The following STRN variants were observed in gnomAD, a reference collection of about 807,000 sequenced individuals.
STRN encodes the protein striatin.
Under a neutral mutation model 96.3 loss-of-function variants are expected in STRN, and 53 were observed. That is an observed-to-expected ratio of 0.55 (90% confidence interval 0.44 to 0.69). The LOEUF (loss-of-function observed/expected upper bound fraction) is 0.69. Ranked by LOEUF, STRN falls within the 30% of genes least tolerant of loss-of-function variation. The probability of loss-of-function intolerance (pLI) is 0.00; values close to 1 mark genes in which losing one functional copy is unlikely to be tolerated. For missense variants in STRN, 987 were observed against 963.9 expected, an observed-to-expected ratio of 1.02 and a Z score of -0.32; for synonymous variants, 428 against 355.9, an observed-to-expected ratio of 1.20 and a Z score of -2.28.
At chr2:36,937,488 C>A (rs1259523246) in intron 1 of STRN, among the ~76,000 whole-genome samples, 4 of 151,774 alleles carry the variant, frequency 2.6e-5, no homozygotes, top group African/African-American at 9.7e-5. Flanking sequence ...GGGCAACGCA[C>A]TGAGAATCCA....
chr2:36,855,661 C>T (rs902664239), intron 14 of STRN, among the ~76,000 whole-genome samples: 4 of 152,064 alleles, frequency 2.6e-5, no homozygotes, highest in Admixed American at 2.6e-4. Context: ...TTGCTGCTTC[C>T]GCCCAACCTC....
intron 1 of STRN, among the ~76,000 whole-genome samples, chr2:36,942,943 G>A (rs1051686423): frequency 2.6e-5 from 4 of 152,032 alleles, no homozygotes; most frequent in Non-Finnish European, 4.4e-5. Context: ...GGATTTGCCC[G>A]CCTCGGCCTC....
chr2:36,959,583 A>C (rs1246994263), intron 1 of STRN, among the ~76,000 whole-genome samples: 1 of 152,194 alleles, frequency 6.6e-6, no homozygotes, highest in East Asian at 1.9e-4. Context: ...CTCAAAGATT[A>C]CTCTGTCATT....
At chr2:36,957,346 G>C (rs1177127906) in intron 1 of STRN, among the ~76,000 whole-genome samples, 2 of 152,184 alleles carry the variant, frequency 1.3e-5, no homozygotes, top group Non-Finnish European at 2.9e-5. Flanking sequence ...CCAGCACTTT[G>C]GGAGGCGGAG....
At chr2:36,867,755 C>T (rs976184291) in intron 12 of STRN, 59 bp downstream of exon 12, 2 of 1,165,010 alleles carry the variant, frequency 1.7e-6, no homozygotes, top group Non-Finnish European at 1.2e-6. Context: ...AATAAAATAT[C>T]CTAACCAGGC....
chr2:36,938,856 T>A (rs1192544577), intron 1 of STRN, among the ~76,000 whole-genome samples: 1 of 152,266 alleles, frequency 6.6e-6, no homozygotes, highest in Non-Finnish European at 1.5e-5. Context: ...CAGATATCTT[T>A]GAACATTTAT....
intron 9 of STRN, among the ~76,000 whole-genome samples, chr2:36,881,514 G>C (rs1476950140): frequency 1.3e-5 from 2 of 152,148 alleles, no homozygotes; most frequent in Non-Finnish European, 2.9e-5. Flanking sequence ...TTCTGAAAGT[G>C]GACTGAAGAC....
rs1338514943 is a variant in STRN at position 36,861,150 on chromosome 2, C to T, written c.1651G>A (p.Asp551Asn). 3.7e-6 allele frequency: 6 copies of T among 1,613,788 alleles called. No individual in the cohort carries two copies. Among genetic ancestry groups the T allele is most frequent in the East Asian group, 2.2e-5 (1 of 44,852 alleles). ...CACCTACCATAAGAATCATAGGGGT[C>T]GATGTTGGGATTAGTGGTATTCCAG... ...QGWNTTNPNI[D>N]PYDSYDPSVL... is the part of the protein sequence containing the mutation. The change falls in exon 13 of 18, where the codon GAC (aspartate) becomes AAC (asparagine). Residue 551 changes from aspartate to asparagine, a missense_variant. Asp to Asn is a conservative substitution (Grantham distance 23). Transcript: ENST00000263918.
rs573834190 is a variant in STRN at position 36,838,076 on chromosome 2, C to T, written c.*11380G>A. ...AGTTGACCTTAACAATCTGGGTGTG[C>T]TTAAACTAGTCACAAGAGCCCTTTA... On this transcript the variant is annotated 3_prime_UTR_variant, in exon 18 of 18. Transcript: ENST00000263918. 1.3e-5 allele frequency among the ~76,000 whole-genome samples: 2 copies of T among 152,262 alleles called. No individual in the cohort carries two copies. Among genetic ancestry groups the T allele is most frequent in the South Asian group, 4.1e-4 (2 of 4,826 alleles).
At chr2:36,932,318 C>T (rs1327224207) in intron 1 of STRN, among the ~76,000 whole-genome samples, 1 of 152,014 alleles carries the variant, frequency 6.6e-6, no homozygotes. Context: ...CTGCGTCTGG[C>T]TAATTTTTGT....
At chr2:36,953,705 G>T (rs999906887) in intron 1 of STRN, among the ~76,000 whole-genome samples, 9 of 152,022 alleles carry the variant, frequency 5.9e-5, no homozygotes, top group African/African-American at 1.9e-4. Context: ...CCAGGCCAAG[G>T]TACTTTAAGA....
At chr2:36,883,229 C>A (rs1361766446) in intron 9 of STRN, among the ~76,000 whole-genome samples, 1 of 152,078 alleles carries the variant, frequency 6.6e-6, no homozygotes, top group Non-Finnish European at 1.5e-5. Flanking sequence ...CCAAGATGGG[C>A]AGATCACTTG....
chr2:36,899,447 T>C (rs1344368497), intron 6 of STRN, 76 bp downstream of exon 6: 11 of 1,270,006 alleles, frequency 8.7e-6, no homozygotes, highest in Admixed American at 3.3e-5. Flanking sequence ...TTAAAGAACA[T>C]GGATTCTTTT....
chr2:36,865,092 G>A (rs2148143555), intron 12 of STRN, among the ~76,000 whole-genome samples: 2 of 152,330 alleles, frequency 1.3e-5, no homozygotes, highest in African/African-American at 2.4e-5. Context: ...GAATTCAATT[G>A]TGAATCCATC....
At chr2:36,864,154 TG>T (rs1397164908) in intron 12 of STRN, among the ~76,000 whole-genome samples, 1 of 152,202 alleles carries the variant, frequency 6.6e-6, no homozygotes, top group East Asian at 1.9e-4. Context: ...TTCTTTTCCT[TG>T]CCTGACTGCT....
intron 9 of STRN, 91 bp from the exon 10 acceptor site, chr2:36,878,118 C>G (rs549376488): frequency 7.4e-7 from 1 of 1,353,976 alleles, no homozygotes; most frequent in African/African-American, 1.5e-5. Flanking sequence ...TATAAGTGCA[C>G]GTATATACTT....
At chr2:36,894,119 G>C in intron 6 of STRN, 86 bp from the exon 7 acceptor site, 1 of 1,468,210 alleles carries the variant, frequency 6.8e-7, no homozygotes, top group Non-Finnish European at 9.1e-7. Flanking sequence ...TCTTCAGAAA[G>C]TATACGTTTG....
intron 11 of STRN, among the ~76,000 whole-genome samples, chr2:36,868,952 T>A (rs1668697347): frequency 1.3e-5 from 2 of 151,924 alleles, no homozygotes; most frequent in African/African-American, 4.8e-5. Context: ...CAGATTTAGC[T>A]TTGTGACTTT....
chr2:36,857,897 G>C lies in STRN; in HGVS notation c.1796C>G (p.Thr599Ser). 1 of 1,614,098 alleles carries C rather than the reference G, an allele frequency of 6.2e-7. No homozygotes were observed. Among genetic ancestry groups the C allele is most frequent in the Non-Finnish European group, 8.5e-7 (1 of 1,179,998 alleles). Residue 599 changes from threonine to serine, a missense_variant, in exon 14 of 18, where the codon ACT becomes AGT. Physicochemically the swap from Thr to Ser is moderately conservative, Grantham distance 58. Transcript: ENST00000263918. ...ADGTLRLWNT[T>S]EVAPALSVFN... is the part of the protein sequence containing the mutation. ...TACACTTAGTGCTGGAGCAACCTCA[G>C]TTGTATTCCATAAACGCAGAGTGCC...
Sources: allele counts gnomAD v4.1 joint callset (sites outside exome capture counted in the v4.1 genomes callset), GRCh38; gene constraint gnomAD v4.1.1; transcripts MANE v1.5; gene names NCBI Gene and HGNC (gene_info 2026-07-23, HGNC 2026-07-21).